ZC3H12B: variants seen among roughly 807,000 people sequenced by gnomAD.
ZC3H12B encodes zinc finger CCCH-type containing 12B.
ZC3H12B carries 7 observed loss-of-function variants against 43.9 expected under a neutral mutation model. The observed-to-expected ratio is 0.16, with a 90% CI of 0.09 to 0.30. The LOEUF is 0.30. ZC3H12B is among the 10% of genes least tolerant of loss of function. The pLI is 1.00. For missense variants in ZC3H12B, 475 were observed against 670.2 expected (o/e 0.71, Z 3.22); for synonymous variants, 222 against 241.7 (o/e 0.92, Z 0.76).
the ZC3H12B span, among the ~76,000 whole-genome samples, chrX:65,299,929 A>G: frequency 8.9e-6 from 1 of 112,222 alleles, no homozygotes; most frequent in Non-Finnish European, 1.9e-5. Flanking sequence ...TTGACCTTAC[A>G]TAGAGCTGGG....
chrX:65,412,309 T>C (rs2066913236), intron 3 of ZC3H12B, among the ~76,000 whole-genome samples: 1 of 112,331 alleles, frequency 8.9e-6, no homozygotes, highest in Non-Finnish European at 1.9e-5. Context: ...ATATAGCATG[T>C]ATCAGTACTT....
At chrX:65,165,140 G>A in the ZC3H12B span, among the ~76,000 whole-genome samples, 6 of 111,619 alleles carry the variant, frequency 5.4e-5, no homozygotes, top group Admixed American at 9.5e-5. Context: ...ATTAGTAACT[G>A]CCCCCAAACT....
the ZC3H12B span, among the ~76,000 whole-genome samples, chrX:65,289,493 T>C: frequency 9.1e-6 from 1 of 109,917 alleles, no homozygotes; most frequent in East Asian, 2.8e-4. Flanking sequence ...TATTTCAAAT[T>C]TCATTTTAGG....
chrX:65,461,460 C>G (rs997558074), intron 3 of ZC3H12B, among the ~76,000 whole-genome samples: 1 of 112,223 alleles, frequency 8.9e-6, no homozygotes, highest in Admixed American at 9.5e-5. Context: ...CCCAAATGTC[C>G]AACAATGATA....
At chrX:65,060,829 G>T in the ZC3H12B span, among the ~76,000 whole-genome samples, 1 of 111,689 alleles carries the variant, frequency 9.0e-6, no homozygotes, top group African/African-American at 3.3e-5. Flanking sequence ...AATAGTTTAT[G>T]TAGGATTGGT....
the ZC3H12B span, among the ~76,000 whole-genome samples, chrX:65,082,583 CA>C: frequency 1.8e-5 from 2 of 111,105 alleles, no homozygotes; most frequent in Admixed American, 9.6e-5. Context: ...AAAACCTGAA[CA>C]GATCAATAAC....
At chrX:65,155,228 G>T in the ZC3H12B span, among the ~76,000 whole-genome samples, 1 of 110,359 alleles carries the variant, frequency 9.1e-6, no homozygotes, top group African/African-American at 3.3e-5. Context: ...AAAATGCTAG[G>T]ATTACAGGCA....
rs752763574 is a variant in ZC3H12B, at chrX:65,454,297, C to T, written n.408-34349C>T. Among the ~76,000 whole-genome samples the T allele has an allele frequency of 1.9e-4, 21 of 112,249 alleles. No homozygotes were observed. The South Asian group carries it at 2.6e-3, about 14-fold the overall frequency. ...CTCCCACCCTAATACTGTGCTTTTC[C>T]GACGGTCTTAGCAAAGAGCACACCA... is the stretch of plus-strand genomic sequence containing the variant. On this transcript the variant is annotated intron_variant and non_coding_transcript_variant, in intron 3 of 5. Coordinates refer to the ZC3H12B transcript ENST00000617377.
At chrX:65,124,370 A>C in the ZC3H12B span, among the ~76,000 whole-genome samples, 4 of 111,083 alleles carry the variant, frequency 3.6e-5, no homozygotes, top group African/African-American at 1.3e-4. Context: ...TCTTTTTGAT[A>C]TGCTGTTGGA....
chrX:65,171,746 C>T, the ZC3H12B span, among the ~76,000 whole-genome samples: 65 of 110,865 alleles, frequency 5.9e-4, no homozygotes, highest in African/African-American at 1.8e-3. Flanking sequence ...CAATGGTGGA[C>T]GCCCCTCCCC....
chrX:65,326,826 C>T, the ZC3H12B span, among the ~76,000 whole-genome samples: 1 of 110,686 alleles, frequency 9.0e-6, no homozygotes, highest in African/African-American at 3.3e-5. Context: ...GGGCTAGAAA[C>T]CTGACTTTTA....
the ZC3H12B span, among the ~76,000 whole-genome samples, chrX:65,110,970 T>A: frequency 9.0e-6 from 1 of 111,557 alleles, no homozygotes; most frequent in Non-Finnish European, 1.9e-5. Context: ...TACCTAAGTA[T>A]TTCAGCCTTT....
chrX:65,500,814 C>T (rs1337543461), intron 4 of ZC3H12B, among the ~76,000 whole-genome samples: 2 of 110,199 alleles, frequency 1.8e-5, no homozygotes, highest in Non-Finnish European at 3.8e-5. Context: ...TCTGATACAA[C>T]GTTTGTGCGC....
At chrX:65,496,662 A>C (rs2068286724) in intron 1 of ZC3H12B, among the ~76,000 whole-genome samples, 1 of 112,273 alleles carries the variant, frequency 8.9e-6, no homozygotes, top group African/African-American at 3.2e-5. Context: ...TTATCAAGAA[A>C]GTAAATGTCA....
the ZC3H12B span, among the ~76,000 whole-genome samples, chrX:65,258,136 A>G: frequency 9.0e-6 from 1 of 111,372 alleles, no homozygotes; most frequent in Non-Finnish European, 1.9e-5. Flanking sequence ...CAAAATCCTC[A>G]ACAAAATACT....
At chrX:65,116,603 A>T in the ZC3H12B span, among the ~76,000 whole-genome samples, 1 of 109,904 alleles carries the variant, frequency 9.1e-6, no homozygotes, top group African/African-American at 3.3e-5. Flanking sequence ...TCTAGGGTAC[A>T]TGTGTACAAC....
chrX:65,203,510 G>A, the ZC3H12B span, among the ~76,000 whole-genome samples: 1 of 110,138 alleles, frequency 9.1e-6, no homozygotes, highest in Non-Finnish European at 1.9e-5. Context: ...CCCAGAGTGG[G>A]TCTAGAAGTG....
the ZC3H12B span, among the ~76,000 whole-genome samples, chrX:65,353,406 A>G: frequency 9.0e-6 from 1 of 111,620 alleles, no homozygotes; most frequent in South Asian, 3.8e-4. Context: ...TTCAAGTGAA[A>G]GGAAGAGTCA....
chrX:65,321,712 G>A, the ZC3H12B span, among the ~76,000 whole-genome samples: 3 of 109,058 alleles, frequency 2.8e-5, no homozygotes, highest in Admixed American at 9.7e-5. Flanking sequence ...CCATGCAGCC[G>A]TAGAAGAGAG....
Sources: allele counts gnomAD v4.1 joint callset (sites outside exome capture counted in the v4.1 genomes callset), GRCh38; gene constraint gnomAD v4.1.1; transcripts MANE v1.5; gene names NCBI Gene and HGNC (gene_info 2026-07-23, HGNC 2026-07-21).